ANXA2: variants seen among roughly 807,000 people sequenced by gnomAD.
ANXA2 encodes annexin A2.
A neutral mutation model predicts 47.3 loss-of-function variants in ANXA2; 28 were observed. The observed-to-expected ratio is 0.59, with a 90% confidence interval of 0.44 to 0.81. The LOEUF (loss-of-function observed/expected upper bound fraction) is 0.81, where lower values mean the gene tolerates loss of function less well. Among genes scored for constraint, ANXA2 ranks in the 40% least tolerant of loss-of-function variants. The pLI, the probability that ANXA2 is intolerant of heterozygous loss-of-function variation, is 0.00. For missense variants in ANXA2, 384 were observed against 414.3 expected, an observed-to-expected ratio of 0.93 and a Z score of 0.64; for synonymous variants, 172 against 155.5, an observed-to-expected ratio of 1.11 and a Z score of -0.79.
chr15:60,376,211 C>G (rs2062775234), intron 3 of ANXA2, among the ~76,000 whole-genome samples: 1 of 151,938 alleles, frequency 6.6e-6, no homozygotes, highest in Non-Finnish European at 1.5e-5. Context: ...AACACCATCT[C>G]TACTAAAAAT....
At chr15:60,355,649 T>C (rs1170960064) in intron 7 of ANXA2, 6 of 524,262 alleles carry the variant, frequency 1.1e-5, no homozygotes, top group Non-Finnish European at 2.1e-5. Context: ...CGGCCAAGGC[T>C]CTGGCACATA....
At chr15:60,379,648 A>G (rs1243296360) in intron 3 of ANXA2, among the ~76,000 whole-genome samples, 2 of 152,212 alleles carry the variant, frequency 1.3e-5, no homozygotes, top group African/African-American at 4.8e-5. Context: ...TGGGGATGAC[A>G]GAACACTACA....
chr15:60,354,252 T>C, intron 7 of ANXA2, 39 bp from the exon 8 acceptor site: 1 of 1,520,000 alleles, frequency 6.6e-7, no homozygotes, highest in East Asian at 2.3e-5. Flanking sequence ...TACATTTCTT[T>C]GTGTATTTTA....
At chr15:60,373,587 A>C (rs1407367574) in intron 3 of ANXA2, among the ~76,000 whole-genome samples, 1 of 152,226 alleles carries the variant, frequency 6.6e-6, no homozygotes, top group African/African-American at 2.4e-5. Context: ...CAGGACACCC[A>C]GCAGGCTGAC....
chr15:60,397,378 T>C (rs1183869643), intron 1 of ANXA2: 2 of 951,790 alleles, frequency 2.1e-6, no homozygotes, highest in Non-Finnish European at 2.5e-6. Context: ...ATGTCTTCTT[T>C]TATGGGGGGC....
At chr15:60,359,251 A>G (rs1439227072) in intron 5 of ANXA2, among the ~76,000 whole-genome samples, 2 of 152,194 alleles carry the variant, frequency 1.3e-5, no homozygotes, top group Non-Finnish European at 2.9e-5. Flanking sequence ...GACAGCTCAA[A>G]AAGGTCTGTT....
intron 12 of ANXA2, 82 bp from the exon 13 acceptor site, chr15:60,347,771 C>T: frequency 8.4e-7 from 1 of 1,194,792 alleles, no homozygotes; most frequent in Non-Finnish European, 1.2e-6. Flanking sequence ...AGCCTCAACG[C>T]ACAATGAAGC....
rs780194846 is a variant in ANXA2, at chr15:60,347,669, G to A, written c.981C>T (p.Tyr327=). The A allele has an allele frequency of 1.2e-6, 2 of 1,614,198 alleles. No homozygotes were observed. Among genetic ancestry groups the A allele is most frequent in the South Asian group, 1.1e-5 (1 of 91,078 alleles). Residue 327 remains tyrosine (Y), a synonymous_variant, in exon 13 of 13, where the codon TAC becomes TAT. Coordinates refer to ENST00000451270, the MANE Select transcript of ANXA2 (RefSeq NM_004039.3). ...CACACAGGTACAGCAGCGCTTTCTG[G>A]TAGTCGCCCTTAGTGTCTTGCTACA... The part of the protein sequence containing the change: ...YYIQQDTKGD[Y]QKALLYLCGG...
intron 3 of ANXA2, among the ~76,000 whole-genome samples, chr15:60,379,934 A>G (rs2062832502): frequency 6.6e-6 from 1 of 152,214 alleles, no homozygotes; most frequent in Non-Finnish European, 1.5e-5. Flanking sequence ...TTTACATTCC[A>G]GTGCACTAAG....
intron 1 of ANXA2, chr15:60,395,717 T>C (rs1053344759): frequency 4.6e-5 from 7 of 152,236 alleles, no homozygotes; most frequent in African/African-American, 1.7e-4. Context: ...AGTGCAAGAC[T>C]GAGCTCCTAA....
chr15:60,351,250 A>G lies in ANXA2; in HGVS notation c.780T>C (p.Val260=). 1 of 1,614,182 alleles carries G rather than the reference A, an allele frequency of 6.2e-7. No individual in the cohort carries two copies. Among genetic ancestry groups the G allele is most frequent in the Non-Finnish European group, 8.5e-7 (1 of 1,180,020 alleles). ...GDLENAFLNL[V]QCIQNKPLYF... ...ACAGGGGCTTGTTCTGAATGCACTG[A>G]ACTGTGGAGAGAAGAAAGGGAGTCA... Residue 260 remains valine, a splice_region_variant and synonymous_variant, in exon 11 of 13, where the codon GTT becomes GTC. Coordinates refer to ENST00000451270, the MANE Select transcript of ANXA2 (RefSeq NM_004039.3).
chr15:60,393,371 C>T, intron 1 of ANXA2: 1 of 999,074 alleles, frequency 1.0e-6, no homozygotes, highest in Non-Finnish European at 1.2e-6. Context: ...GAAATCCAGG[C>T]CTTCAAGTCT....
At chr15:60,367,059 G>A (rs1595681748) in intron 3 of ANXA2, among the ~76,000 whole-genome samples, 2 of 64,024 alleles carry the variant, frequency 3.1e-5, no homozygotes, top group African/African-American at 7.1e-5. Flanking sequence ...CGCCCCGTCC[G>A]GGAGGGGGGA....
At chr15:60,367,418 G>A (rs2062641626) in intron 3 of ANXA2, among the ~76,000 whole-genome samples, 1 of 24,750 alleles carries the variant, frequency 4.0e-5, no homozygotes, top group Non-Finnish European at 7.0e-5. Flanking sequence ...CAGCCGCCCC[G>A]TCCGGGAGGG....
chr15:60,381,650 G>A (rs9920823), intron 3 of ANXA2, among the ~76,000 whole-genome samples: 1 of 151,924 alleles, frequency 6.6e-6, no homozygotes, highest in Admixed American at 6.6e-5. Context: ...CACTCATTCT[G>A]ACAGCTCTTC....
chr15:60,372,979 T>A (rs1244115121), intron 3 of ANXA2, among the ~76,000 whole-genome samples: 3 of 152,266 alleles, frequency 2.0e-5, no homozygotes, highest in South Asian at 2.1e-4. Context: ...CATTCCAACA[T>A]TCTTTTCTCA....
intron 3 of ANXA2, among the ~76,000 whole-genome samples, chr15:60,366,663 C>T (rs1230632986): frequency 6.9e-6 from 1 of 143,954 alleles, no homozygotes; most frequent in African/African-American, 2.6e-5. Flanking sequence ...CCACCCCGTC[C>T]GGGAGGGAGG....
At chr15:60,391,276 C>G (rs1306898954) in intron 1 of ANXA2, 1 of 152,228 alleles carries the variant, frequency 6.6e-6, no homozygotes, top group Non-Finnish European at 1.5e-5. Context: ...GATTAAGACA[C>G]AGAGAGAAAG....
chr15:60,382,700 T>G (rs1424842799), intron 2 of ANXA2: 1 of 312,374 alleles, frequency 3.2e-6, no homozygotes, highest in Non-Finnish European at 6.1e-6. Flanking sequence ...TAGTGAGAGA[T>G]CAAAAGTAGA....
Sources: allele counts gnomAD v4.1 joint callset (sites outside exome capture counted in the v4.1 genomes callset), GRCh38; gene constraint gnomAD v4.1.1; transcripts MANE v1.5; gene names NCBI Gene and HGNC (gene_info 2026-07-23, HGNC 2026-07-21).